FGF21: variants seen among roughly 807,000 people sequenced by gnomAD.
The protein encoded by FGF21 is fibroblast growth factor 21.
Under a neutral mutation model 13.4 loss-of-function variants are expected in FGF21, and 13 were observed. The observed-to-expected ratio is 0.97, with a 90% CI of 0.63 to 1.54. FGF21 has a LOEUF of 1.54. Ranked by LOEUF, FGF21 falls within the 40% of genes most tolerant of loss-of-function variation. The pLI, the probability that FGF21 is intolerant of heterozygous loss-of-function variation, is 0.00. For synonymous variants in FGF21, 124 were observed against 123.6 expected (o/e 1.00, Z -0.02); for missense variants, 303 against 272.4 (o/e 1.11, Z -0.79).
In FGF21 at chr19:48,757,876, C is replaced by G. The variant is rs988028082; in HGVS notation, c.340-54C>G. On this transcript the variant is annotated intron_variant, in intron 3 of 3. Coordinates refer to ENST00000593756, the MANE Select transcript of FGF21 (RefSeq NM_019113.4). Reference sequence around the variant, plus strand: ...CAGGGCTGGGGCCTGGATCCTGGGTCTTACATCAGGAAAACAGAGGAACCC... The same window carrying G: ...CAGGGCTGGGGCCTGGATCCTGGGTGTTACATCAGGAAAACAGAGGAACCC... 7.4e-6 allele frequency: 11 copies of G among 1,493,048 alleles called. No individual in the cohort carries two copies. In the African/African-American group the frequency reaches 1.6e-4, roughly 21 times the overall value. 92.5% of individuals were successfully genotyped at this position (1,493,048 alleles called of 1,614,324 possible). A position where few individuals can be genotyped will look rare whatever the true frequency, so the allele number is the denominator to read the frequency against.
chr19:48,756,897 C>G, intron 2 of FGF21, 29 bp from the exon 3 acceptor site: 1 of 1,580,280 alleles, frequency 6.3e-7, no homozygotes, highest in South Asian at 1.1e-5. Flanking sequence ...GAGAGGTCCT[C>G]GAACCACCTT....
chr19:48,757,356 G>A (rs909725143), intron 3 of FGF21, among the ~76,000 whole-genome samples: 32 of 152,182 alleles, frequency 2.1e-4, no homozygotes, highest in African/African-American at 7.7e-4. Flanking sequence ...CTCATGCTGG[G>A]CACAGGGACA....
chr19:48,758,072 C>T lies in FGF21; in HGVS notation c.482C>T (p.Pro161Leu). 1 of 1,612,710 alleles carries T rather than the reference C, an allele frequency of 6.2e-7. No individual in the cohort carries two copies. Among genetic ancestry groups the T allele is most frequent in the Non-Finnish European group, 8.5e-7 (1 of 1,179,704 alleles). The change falls in exon 4 of 4, where the codon CCA becomes CTA. Residue 161 changes from proline to leucine, a missense_variant. Coordinates refer to ENST00000593756, the MANE Select transcript of FGF21 (RefSeq NM_019113.4). ...CACCGGGACCCTGCACCCCGAGGAC[C>T]AGCTCGCTTCCTGCCACTACCAGGC... Reference protein sequence around the residue: ...SPHRDPAPRGPARFLPLPGLP... With the variant: ...SPHRDPAPRGLARFLPLPGLP...
chr19:48,757,583 G>A (rs1254411127), intron 3 of FGF21, among the ~76,000 whole-genome samples: 2 of 129,612 alleles, frequency 1.5e-5, no homozygotes, highest in African/African-American at 2.9e-5. Context: ...TGGACTCCTG[G>A]GTCTGAGGGA....
Position 48,756,307 on chromosome 19 carries a change from G to T in FGF21, c.71G>T (p.Gly24Val). The change falls in exon 2 of 4, where the codon GGA (glycine) becomes GTA (valine). Residue 24 changes from glycine to valine, a missense_variant. Coordinates refer to ENST00000593756, the MANE Select transcript of FGF21 (RefSeq NM_019113.4). ...TCTGTGCTGGCTGGTCTTCTGCTGG[G>T]AGCCTGCCAGGCACACCCCATCCCT... Reference protein sequence around the residue: ...WVSVLAGLLLGACQAHPIPDS... With the variant: ...WVSVLAGLLLVACQAHPIPDS... 1 of 1,614,060 alleles carries T rather than the reference G, an allele frequency of 6.2e-7. No homozygotes were observed. Among genetic ancestry groups the T allele is most frequent in the Non-Finnish European group, 8.5e-7 (1 of 1,180,024 alleles).
intron 2 of FGF21, 135 bp from the exon 3 acceptor site, chr19:48,756,791 G>T: frequency 3.9e-6 from 3 of 760,898 alleles, no homozygotes; most frequent in South Asian, 1.6e-5. Context: ...CTTCTCCTGG[G>T]TCTGAGGGAG....
chr19:48,757,152 G>T, intron 3 of FGF21, 123 bp downstream of exon 3: 1 of 690,510 alleles, frequency 1.4e-6, no homozygotes. Context: ...TGCTCTGCAC[G>T]CCCCCAGCTG....
In FGF21 at chr19:48,755,905, C is replaced by T. The variant is rs1599769198; in HGVS notation, c.-332C>T. 4.0e-6 allele frequency: 1 copy of T among 252,694 alleles called. No individual in the cohort carries two copies. The allele number at this position is 252,694 out of a possible 1,614,324, so 15.7% of individuals were successfully genotyped here. A position where few individuals can be genotyped will look rare whatever the true frequency, so the allele number is the denominator to read the frequency against. ...TCATCCCCTAGACCCAGGAGTCTGG[C>T]CCTCCATTGAAAGGACCCCAGGTTA... On this transcript the variant is annotated 5_prime_UTR_variant, in exon 2 of 4. Coordinates refer to ENST00000593756, the MANE Select transcript of FGF21 (RefSeq NM_019113.4).
At chr19:48,756,732 T>C (rs1397648653) in intron 2 of FGF21, among the ~76,000 whole-genome samples, 194 bp from the exon 3 acceptor site, 1 of 147,792 alleles carries the variant, frequency 6.8e-6, no homozygotes, top group Non-Finnish European at 1.5e-5. Flanking sequence ...GAGGAAGGGC[T>C]GGGGTCCTGG....
rs771480087 is a variant in FGF21, at chr19:48,756,318, G to T, written c.82G>T (p.Ala28Ser). The T allele has an allele frequency of 1.2e-6, 2 of 1,614,022 alleles. No homozygotes were observed. The highest frequency in any genetic ancestry group is 1.7e-6 in the Non-Finnish European group (2 of 1,180,024). ...TGGTCTTCTGCTGGGAGCCTGCCAG[G>T]CACACCCCATCCCTGACTCCAGTCC... ...LAGLLLGACQ[A>S]HPIPDSSPLL... The change falls in exon 2 of 4, where the codon GCA becomes TCA. Residue 28 changes from alanine to serine, a missense_variant. Coordinates refer to ENST00000593756, the MANE Select transcript of FGF21 (RefSeq NM_019113.4).
intron 2 of FGF21, among the ~76,000 whole-genome samples, chr19:48,756,683 G>A (rs1362118655): frequency 6.6e-6 from 1 of 151,698 alleles, no homozygotes; most frequent in Non-Finnish European, 1.5e-5. Context: ...CTGGGTCTGA[G>A]GGAGGAGGGG....
rs902587948 is a variant in FGF21 at position 48,755,651 on chromosome 19, T to G, written c.-480T>G. On this transcript the variant is annotated 5_prime_UTR_variant, in exon 1 of 4. Coordinates refer to ENST00000593756, the MANE Select transcript of FGF21 (RefSeq NM_019113.4). ...TGCTGAGGATCAAGGAACCTCAGTG[T>G]CAGATCACGCCCTCCCCCCAAACTT... 6.6e-6 allele frequency: 1 copy of G among 152,336 alleles called. No homozygotes were observed. The highest frequency in any genetic ancestry group is 2.4e-5 in the African/African-American group (1 of 41,450). 9.4% of individuals were successfully genotyped at this position (152,336 alleles called of 1,614,324 possible).
Position 48,756,141 on chromosome 19 carries a change from C to A in FGF21, c.-96C>A. ...AGCCAGGCACTCAGGCCACCTGAGT[C>A]TACTCACCTGGACAACTGGAATCTG... On this transcript the variant is annotated 5_prime_UTR_variant, in exon 2 of 4. Coordinates refer to ENST00000593756, the MANE Select transcript of FGF21 (RefSeq NM_019113.4). The A allele has an allele frequency of 9.6e-7, 1 of 1,040,990 alleles. No individual in the cohort carries two copies. The highest frequency in any genetic ancestry group is 1.4e-6 in the Non-Finnish European group (1 of 710,708). The allele number at this position is 1,040,990 out of a possible 1,614,324, so 64.5% of individuals were successfully genotyped here. A position where few individuals can be genotyped will look rare whatever the true frequency, so the allele number is the denominator to read the frequency against.
Position 48,756,342 on chromosome 19 carries a change from C to G in FGF21, c.106C>G (p.Pro36Ala). The G allele has an allele frequency of 6.2e-7, 1 of 1,614,102 alleles. No individual in the cohort carries two copies. The highest frequency in any genetic ancestry group is 1.1e-5 in the South Asian group (1 of 91,080). The change falls in exon 2 of 4, where the codon CCT becomes GCT. Residue 36 changes from proline (P) to alanine (A), a missense_variant. Transcript: ENST00000593756. ...CQAHPIPDSS[P>A]LLQFGGQVRQ... Reference sequence around the variant, plus strand: ...GGCACACCCCATCCCTGACTCCAGTCCTCTCCTGCAATTCGGGGGCCAAGT... The same window carrying G: ...GGCACACCCCATCCCTGACTCCAGTGCTCTCCTGCAATTCGGGGGCCAAGT...
chr19:48,757,236 G>A (rs1019437385), intron 3 of FGF21, among the ~76,000 whole-genome samples: 1 of 152,240 alleles, frequency 6.6e-6, no homozygotes, highest in Non-Finnish European at 1.5e-5. Flanking sequence ...GGGCGCCAGT[G>A]ACCTCAATCA....
rs1298586579 is a variant in FGF21 at position 48,756,216 on chromosome 19, A to T, written c.-21A>T. 1 of 1,601,154 alleles carries T rather than the reference A, an allele frequency of 6.2e-7. No homozygotes were observed. Among genetic ancestry groups the T allele is most frequent in the African/African-American group, 1.3e-5 (1 of 74,756 alleles). The stretch of plus-strand genomic sequence containing the variant: ...TCTCCGAGCTCACACCCCGGAGATC[A>T]CCTGAGGACCCGAGCCATTGATGGA... On this transcript the variant is annotated 5_prime_UTR_variant, in exon 2 of 4. Transcript: ENST00000593756.
At chr19:48,757,156 C>G in intron 3 of FGF21, 127 bp downstream of exon 3, 2 of 683,010 alleles carry the variant, frequency 2.9e-6, no homozygotes, top group Non-Finnish European at 5.1e-6. Context: ...CTGCACGCCC[C>G]CAGCTGCAAC....
In FGF21 at chr19:48,755,998, A is replaced by G. The variant is rs2034085603; in HGVS notation, c.-239A>G. On this transcript the variant is annotated 5_prime_UTR_variant, in exon 2 of 4. It removes an upstream start codon present in the reference 5' UTR. Transcript: ENST00000593756. Reference sequence around the variant, plus strand: ...GCTCCTGCCAAATGGGTCAAATATCATGGTTCAGGCGCAGGGAGGGTGATT... The same window carrying G: ...GCTCCTGCCAAATGGGTCAAATATCGTGGTTCAGGCGCAGGGAGGGTGATT... 3.8e-6 allele frequency: 2 copies of G among 532,578 alleles called. No individual in the cohort carries two copies. Among genetic ancestry groups the G allele is most frequent in the African/African-American group, 3.8e-5 (2 of 52,416 alleles). 33.0% of individuals were successfully genotyped at this position (532,578 alleles called of 1,614,324 possible). A position where few individuals can be genotyped will look rare whatever the true frequency, so the allele number is the denominator to read the frequency against.
chr19:48,757,230 G>A (rs1007753846), intron 3 of FGF21, among the ~76,000 whole-genome samples: 7 of 152,224 alleles, frequency 4.6e-5, no homozygotes, highest in Admixed American at 3.3e-4. Flanking sequence ...AGGCCGGGGC[G>A]CCAGTGACCT....
Sources: allele counts gnomAD v4.1 joint callset (sites outside exome capture counted in the v4.1 genomes callset), GRCh38; gene constraint gnomAD v4.1.1; transcripts MANE v1.5; gene names NCBI Gene and HGNC (gene_info 2026-07-23, HGNC 2026-07-21).